Variants in KCNIP4 observed in about 807,000 individuals in gnomAD.
KCNIP4 encodes the protein Kv channel-interacting protein 4.
KCNIP4 carries 12 observed loss-of-function variants against 34.0 expected under a neutral mutation model. The ratio of observed to expected loss-of-function variants is 0.35; its 90% CI spans 0.23 to 0.57. The LOEUF is 0.57. Ranked by LOEUF, KCNIP4 falls within the 20% of genes least tolerant of loss-of-function variation. KCNIP4 has a pLI of 0.83. For synonymous variants in KCNIP4, 124 were observed against 102.2 expected (o/e 1.21, Z -1.29); for missense variants, 238 against 311.7 (o/e 0.76, Z 1.78).
chr4:21,567,418 C>T (rs1340854726), intron 1 of KCNIP4, among the ~76,000 whole-genome samples: 9 of 151,950 alleles, frequency 5.9e-5, no homozygotes, highest in Non-Finnish European at 1.0e-4. Context: ...TCCCTGCCAC[C>T]CCCTCTTTCT....
At chr4:21,432,272 T>G (rs528760697) in intron 1 of KCNIP4, among the ~76,000 whole-genome samples, 158 of 148,852 alleles carry the variant, frequency 1.1e-3, no homozygotes, top group African/African-American at 3.7e-3. Flanking sequence ...GTAGATTAGG[T>G]TCAAGTTGCT....
At chr4:21,002,760 A>G (rs1403005416) in intron 1 of KCNIP4, among the ~76,000 whole-genome samples, 1 of 152,144 alleles carries the variant, frequency 6.6e-6, no homozygotes, top group Non-Finnish European at 1.5e-5. Flanking sequence ...AACTAAAGGG[A>G]AGGAATTCCA....
At chr4:21,761,450 CAGT>C (rs1211266917) in intron 1 of KCNIP4, among the ~76,000 whole-genome samples, 1 of 151,806 alleles carries the variant, frequency 6.6e-6, no homozygotes, top group African/African-American at 2.4e-5. Context: ...TCTATAAGGC[CAGT>C]AGCAGAGAAA....
intron 1 of KCNIP4, among the ~76,000 whole-genome samples, chr4:21,881,489 T>C (rs1277008886): frequency 1.4e-5 from 2 of 142,372 alleles, no homozygotes; most frequent in African/African-American, 5.2e-5. Flanking sequence ...CAAGAAAATA[T>C]AGTACTATAA....
chr4:21,775,440 T>C (rs1458320183), intron 1 of KCNIP4, among the ~76,000 whole-genome samples: 1 of 152,168 alleles, frequency 6.6e-6, no homozygotes, highest in Admixed American at 6.5e-5. Flanking sequence ...CTCACCCAGC[T>C]GAGTGGCACA....
intron 1 of KCNIP4, among the ~76,000 whole-genome samples, chr4:20,962,100 G>GTGCTCAATTTCTTTCCTGCTT (rs1295286797): frequency 3.9e-5 from 6 of 152,114 alleles, no homozygotes; most frequent in Non-Finnish European, 8.8e-5. Flanking sequence ...ATTTCCTGCT[G>GTGCTCAATTTCTTTCCTGCTT]TGCTCAATTT....
At chr4:21,579,619 G>T (rs1330368467) in intron 1 of KCNIP4, among the ~76,000 whole-genome samples, 1 of 151,968 alleles carries the variant, frequency 6.6e-6, no homozygotes, top group Non-Finnish European at 1.5e-5. Context: ...CCCACTGGGA[G>T]CAACTACCCT....
At chr4:21,790,464 A>C (rs1310471051) in intron 1 of KCNIP4, among the ~76,000 whole-genome samples, 6 of 152,162 alleles carry the variant, frequency 3.9e-5, no homozygotes, top group Admixed American at 3.9e-4. Context: ...GAGGCTTTAG[A>C]GGTGGGATTT....
intron 1 of KCNIP4, among the ~76,000 whole-genome samples, chr4:21,173,704 T>A (rs1754186281): frequency 6.6e-6 from 1 of 152,144 alleles, no homozygotes; most frequent in African/African-American, 2.4e-5. Flanking sequence ...TGACAGTAGG[T>A]CCAGTGCTCT....
intron 1 of KCNIP4, among the ~76,000 whole-genome samples, chr4:21,336,989 G>T (rs1266828890): frequency 6.6e-6 from 1 of 152,008 alleles, no homozygotes; most frequent in Non-Finnish European, 1.5e-5. Context: ...CAGATTGAAT[G>T]AGATTCACCA....
At chr4:21,757,581 C>T (rs1717751147) in intron 1 of KCNIP4, among the ~76,000 whole-genome samples, 1 of 152,126 alleles carries the variant, frequency 6.6e-6, no homozygotes, top group Non-Finnish European at 1.5e-5. Context: ...ACGTCTTCAC[C>T]ATTTATTACA....
intron 1 of KCNIP4, among the ~76,000 whole-genome samples, chr4:21,247,731 G>A (rs1760341451): frequency 2.0e-5 from 1 of 51,100 alleles, no homozygotes. Flanking sequence ...GCAATCCACA[G>A]GTGGATATAT....
chr4:20,732,313 C>T (rs556657623), intron 7 of KCNIP4, among the ~76,000 whole-genome samples: 9 of 152,270 alleles, frequency 5.9e-5, no homozygotes, highest in Non-Finnish European at 1.2e-4. Context: ...TAGGTAAAAT[C>T]CCACCTTCTA....
At chr4:20,747,598 C>T (rs555257035) in intron 5 of KCNIP4, among the ~76,000 whole-genome samples, 145 of 151,592 alleles carry the variant, frequency 9.6e-4, no homozygotes, top group African/African-American at 3.4e-3. Context: ...ATAAACCTGC[C>T]TGCCCCATCT....
At chr4:20,963,157 C>A (rs1282041444) in intron 1 of KCNIP4, among the ~76,000 whole-genome samples, 7 of 150,708 alleles carry the variant, frequency 4.6e-5, no homozygotes, top group African/African-American at 1.7e-4. Context: ...CCTGTCTTTA[C>A]TAAAAATACA....
At chr4:21,321,011 C>A (rs187310442) in intron 1 of KCNIP4, among the ~76,000 whole-genome samples, 1 of 141,504 alleles carries the variant, frequency 7.1e-6, no homozygotes, top group African/African-American at 2.8e-5. Flanking sequence ...AGAATTTTAG[C>A]TGAAAGGTCA....
At chr4:20,847,585 G>A (rs1294463259) in intron 3 of KCNIP4, among the ~76,000 whole-genome samples, 1 of 152,100 alleles carries the variant, frequency 6.6e-6, no homozygotes, top group Non-Finnish European at 1.5e-5. Flanking sequence ...CTAAAAATGT[G>A]TGGGAGCCTC....
chr4:20,785,121 G>A (rs1045474214), intron 3 of KCNIP4, among the ~76,000 whole-genome samples: 1 of 152,100 alleles, frequency 6.6e-6, no homozygotes, highest in African/African-American at 2.4e-5. Flanking sequence ...ATGTGAGGCA[G>A]GGCTAGCCAA....
chr4:21,771,993 C>G (rs1351032914), intron 1 of KCNIP4, among the ~76,000 whole-genome samples: 1 of 152,168 alleles, frequency 6.6e-6, no homozygotes, highest in Non-Finnish European at 1.5e-5. Context: ...GCATCCTTGT[C>G]TTGTGCCCAC....
Sources: gnomAD v4.1 joint callset for allele counts (sites outside exome capture counted in the v4.1 genomes callset) on GRCh38, gnomAD v4.1.1 for gene constraint, MANE v1.5 for transcripts, NCBI Gene and HGNC (gene_info 2026-07-23, HGNC 2026-07-21) for gene names.